MAPRE2: variants seen among roughly 807,000 people sequenced by gnomAD.
The protein encoded by MAPRE2 is microtubule associated protein RP/EB family member 2, also known as microtubule-associated protein RP/EB family member 2.
In MAPRE2, 13 loss-of-function variants were observed where a neutral mutation model predicts 43.2. That is an observed-to-expected ratio of 0.30 (90% CI 0.20 to 0.48). MAPRE2 has a LOEUF of 0.48. Ranked by LOEUF, MAPRE2 falls within the 20% of genes least tolerant of loss-of-function variation. MAPRE2 has a pLI of 0.99. For synonymous variants in MAPRE2, 135 were observed against 148.8 expected, an observed-to-expected ratio of 0.91 and a Z score of 0.68; for missense variants, 161 against 400.2, an observed-to-expected ratio of 0.40 and a Z score of 5.10.
intron 2 of MAPRE2, among the ~76,000 whole-genome samples, chr18:35,085,002 G>A (rs2144136886): frequency 6.6e-6 from 1 of 152,362 alleles, no homozygotes; most frequent in African/African-American, 2.4e-5. Context: ...TGCCAGGAAT[G>A]TGAAGGATGC....
chr18:35,001,043 G>C (rs1397752183), intron 1 of MAPRE2, among the ~76,000 whole-genome samples: 1 of 152,194 alleles, frequency 6.6e-6, no homozygotes, highest in Non-Finnish European at 1.5e-5. Flanking sequence ...AGTACATTGT[G>C]ATTGTGCCTG....
At chr18:35,003,573 G>A (rs867937213) in intron 1 of MAPRE2, among the ~76,000 whole-genome samples, 64 of 152,164 alleles carry the variant, frequency 4.2e-4, no homozygotes, top group African/African-American at 1.4e-3. Context: ...GCAATGGACC[G>A]TTGTCAGAAA....
chr18:34,980,425 T>C lies in MAPRE2; in HGVS notation c.-70+3346T>C, dbSNP rs572020497. On this transcript the variant is annotated intron_variant, in intron 1 of 7. Transcript: ENST00000413393. Reference sequence around the variant, plus strand: ...TGAACCTCTCTTAGAGCATCTATTGTAGCCTGCTTGGTATTCTATTTTCTC... The same window carrying C: ...TGAACCTCTCTTAGAGCATCTATTGCAGCCTGCTTGGTATTCTATTTTCTC... Among the ~76,000 whole-genome samples the C allele has an allele frequency of 6.0e-4, 91 of 152,296 alleles. 1 individual carries two copies. Among genetic ancestry groups the C allele is most frequent in the African/African-American group, 1.7e-3 (71 of 41,558 alleles).
intron 1 of MAPRE2, among the ~76,000 whole-genome samples, chr18:35,054,870 A>AT (rs1906135809): frequency 6.6e-6 from 1 of 152,240 alleles, no homozygotes; most frequent in South Asian, 2.1e-4. Context: ...TGATTTGGTC[A>AT]TAGTTCGCAA....
chr18:35,041,689 CG>C, intron 1 of MAPRE2, 28 bp downstream of exon 1: 2 of 1,613,694 alleles, frequency 1.2e-6, no homozygotes, highest in Non-Finnish European at 1.7e-6. Context: ...AGAGCAGCGC[CG>C]GGGACCGCCG....
intron 1 of MAPRE2, among the ~76,000 whole-genome samples, chr18:35,045,414 G>T (rs555719876): frequency 6.6e-6 from 1 of 151,644 alleles, no homozygotes; most frequent in African/African-American, 2.4e-5. Context: ...TTGAGCATGC[G>T]ACTACAGTAG....
intron 1 of MAPRE2, among the ~76,000 whole-genome samples, chr18:35,059,383 C>T (rs1395204511): frequency 6.6e-6 from 1 of 151,830 alleles, no homozygotes; most frequent in East Asian, 1.9e-4. Context: ...TAGTCTGTTC[C>T]TAGCCATCTC....
intron 1 of MAPRE2, among the ~76,000 whole-genome samples, chr18:35,053,875 C>T (rs1450629902): frequency 6.6e-6 from 1 of 152,122 alleles, no homozygotes; most frequent in Non-Finnish European, 1.5e-5. Flanking sequence ...ATCTGTACAG[C>T]AAACCCCCAT....
At chr18:35,006,266 C>T (rs1207641508) in intron 2 of MAPRE2, among the ~76,000 whole-genome samples, 2 of 152,118 alleles carry the variant, frequency 1.3e-5, no homozygotes, top group South Asian at 2.1e-4. Flanking sequence ...GGTGTAACAT[C>T]CTATATTTCA....
intron 2 of MAPRE2, among the ~76,000 whole-genome samples, chr18:35,029,656 G>A (rs557003134): frequency 1.4e-4 from 22 of 152,322 alleles, no homozygotes; most frequent in Non-Finnish European, 3.1e-4. Context: ...TGAATCGTCT[G>A]CAAGATAATT....
chr18:35,106,369 A>C (rs1908906547), intron 4 of MAPRE2, among the ~76,000 whole-genome samples: 1 of 152,000 alleles, frequency 6.6e-6, no homozygotes, highest in Non-Finnish European at 1.5e-5. Context: ...TGTCCTAACT[A>C]TTATACAGTA....
In MAPRE2 at chr18:35,041,814, G is replaced by A. The variant is rs1422036248; in HGVS notation, c.122+153G>A. On this transcript the variant is annotated intron_variant, in intron 1 of 6. Coordinates refer to ENST00000300249, the MANE Select transcript of MAPRE2 (RefSeq NM_014268.4). Reference sequence around the variant, plus strand: ...GTGATTATTTGGTATCTGTTTCCATGTGTCATGTTGGGTTTGCATTGAGGC... The same window carrying A: ...GTGATTATTTGGTATCTGTTTCCATATGTCATGTTGGGTTTGCATTGAGGC... 9 of 1,471,198 alleles carry A rather than the reference G, an allele frequency of 6.1e-6. No individual in the cohort carries two copies. In the East Asian group the frequency reaches 2.0e-4, roughly 32 times the overall value. The allele number at this position is 1,471,198 out of a possible 1,614,324, so 91.1% of individuals were successfully genotyped here. A position where few individuals can be genotyped will look rare whatever the true frequency, so the allele number is the denominator to read the frequency against.
At chr18:35,011,300 G>T (rs1322270684) in intron 2 of MAPRE2, among the ~76,000 whole-genome samples, 1 of 152,202 alleles carries the variant, frequency 6.6e-6, no homozygotes, top group Non-Finnish European at 1.5e-5. Flanking sequence ...AGCTAGCCAA[G>T]TGTTGGGGAG....
chr18:35,041,489 T>C lies in MAPRE2; in HGVS notation c.-51T>C. 6.2e-7 allele frequency: 1 copy of C among 1,613,008 alleles called. No homozygotes were observed. Among genetic ancestry groups the C allele is most frequent in the Non-Finnish European group, 8.5e-7 (1 of 1,179,678 alleles). Reference sequence around the variant, plus strand: ...AGCGAGCGGGAAGACGCAGCCACCTTCCTCACCAGCCAGCCCACAGCGGTT... The same window carrying C: ...AGCGAGCGGGAAGACGCAGCCACCTCCCTCACCAGCCAGCCCACAGCGGTT... On this transcript the variant is annotated 5_prime_UTR_variant, in exon 1 of 7. Coordinates refer to ENST00000300249, the MANE Select transcript of MAPRE2 (RefSeq NM_014268.4).
intron 2 of MAPRE2, among the ~76,000 whole-genome samples, chr18:35,023,469 G>A (rs190676975): frequency 3.6e-4 from 54 of 151,664 alleles, no homozygotes; most frequent in African/African-American, 1.2e-3. Flanking sequence ...CAGAGATTGC[G>A]CCACTGCACT....
chr18:35,022,391 A>AT (rs1000348588), intron 2 of MAPRE2, among the ~76,000 whole-genome samples: 3 of 101,186 alleles, frequency 3.0e-5, no homozygotes, highest in Admixed American at 1.1e-4. Context: ...GAATCTGAGT[A>AT]TTTTTTATCA....
chr18:35,010,314 G>A (rs2097033894), intron 2 of MAPRE2, among the ~76,000 whole-genome samples: 1 of 152,204 alleles, frequency 6.6e-6, no homozygotes, highest in Non-Finnish European at 1.5e-5. Context: ...GCTGAAGCAG[G>A]CAGATCCCTT....
At chr18:35,123,876 A>G (rs890862038) in intron 4 of MAPRE2, among the ~76,000 whole-genome samples, 44 of 152,198 alleles carry the variant, frequency 2.9e-4, no homozygotes, top group African/African-American at 1.0e-3. Flanking sequence ...TGAAACACCT[A>G]TGTCCTAGGG....
At chr18:35,010,393 A>G (rs1302742565) in intron 2 of MAPRE2, among the ~76,000 whole-genome samples, 1 of 152,218 alleles carries the variant, frequency 6.6e-6, no homozygotes, top group Non-Finnish European at 1.5e-5. Context: ...GAGCTGGACA[A>G]ATAGCTTGAC....
Sources: allele counts gnomAD v4.1 joint callset (sites outside exome capture counted in the v4.1 genomes callset), GRCh38; gene constraint gnomAD v4.1.1; transcripts MANE v1.5; gene names NCBI Gene and HGNC (gene_info 2026-07-23, HGNC 2026-07-21).